EYS: variants seen among roughly 807,000 people sequenced by gnomAD.
EYS encodes EGF-like photoreceptor maintenance factor.
In EYS, 250 loss-of-function variants were observed where a neutral mutation model predicts 282.1. The ratio of observed to expected loss-of-function variants is 0.89; its 90% confidence interval spans 0.80 to 0.98. The LOEUF is 0.98. EYS is among the 50% of genes least tolerant of loss of function. EYS has a pLI of 0.00. For missense variants in EYS, 4,016 were observed against 3,709.0 expected (o/e 1.08, Z -2.15); for synonymous variants, 1,355 against 1,282.9 (o/e 1.06, Z -1.20).
chr6:65,449,662 G>T (rs1441134774), intron 5 of EYS, among the ~76,000 whole-genome samples: 1 of 152,022 alleles, frequency 6.6e-6, no homozygotes, highest in Non-Finnish European at 1.5e-5. Context: ...GATGATTTTG[G>T]TATCTCATTT....
chr6:64,058,521 A>C, intron 33 of EYS, among the ~76,000 whole-genome samples: 1 of 152,180 alleles, frequency 6.6e-6, no homozygotes, highest in East Asian at 1.9e-4. Context: ...AAAATATACA[A>C]AATATAAATG....
chr6:65,214,852 T>C (rs1766271772), intron 12 of EYS, among the ~76,000 whole-genome samples: 1 of 152,082 alleles, frequency 6.6e-6, no homozygotes, highest in African/African-American at 2.4e-5. Context: ...CTTGAAGAAA[T>C]ATGTTATTTC....
At chr6:64,300,338 C>T (rs149968805) in intron 30 of EYS, among the ~76,000 whole-genome samples, 1,541 of 152,176 alleles carry the variant, frequency 0.01, 32 homozygotes, top group African/African-American at 0.03. Flanking sequence ...ACACTGCTGC[C>T]GTCTAGCTCC....
At chr6:63,996,648 T>C (rs1031156836) in intron 34 of EYS, among the ~76,000 whole-genome samples, 2 of 152,142 alleles carry the variant, frequency 1.3e-5, no homozygotes, top group African/African-American at 4.8e-5. Flanking sequence ...CTAGCTAGAA[T>C]GTCTGGGTTT....
chr6:64,194,540 C>A, intron 31 of EYS, among the ~76,000 whole-genome samples: 1 of 152,016 alleles, frequency 6.6e-6, no homozygotes, highest in East Asian at 1.9e-4. Flanking sequence ...AAGTGAATTT[C>A]TTAATTGCAT....
chr6:64,684,477 G>C (rs780073946), intron 22 of EYS, among the ~76,000 whole-genome samples: 72 of 151,866 alleles, frequency 4.7e-4, no homozygotes, highest in Non-Finnish European at 8.4e-4. Context: ...ACTACACTAA[G>C]AATAAAGAGC....
intron 26 of EYS, among the ~76,000 whole-genome samples, chr6:64,453,511 C>A (rs376426316): frequency 6.6e-6 from 1 of 152,144 alleles, no homozygotes; most frequent in East Asian, 1.9e-4. Flanking sequence ...TACTGGGTAT[C>A]TACCCAAAGG....
At chr6:65,177,095 C>T (rs543651086) in intron 12 of EYS, among the ~76,000 whole-genome samples, 1 of 151,624 alleles carries the variant, frequency 6.6e-6, no homozygotes, top group African/African-American at 2.4e-5. Flanking sequence ...TTTCAATTAA[C>T]TAAGGGAATT....
chr6:63,745,142 T>C, intron 41 of EYS: 1 of 326,662 alleles, frequency 3.1e-6, no homozygotes, highest in South Asian at 2.4e-5. Flanking sequence ...ATCTGCTAAA[T>C]CCAAAGTTTA....
chr6:64,184,067 T>C (rs980513394), intron 31 of EYS, among the ~76,000 whole-genome samples: 2 of 152,162 alleles, frequency 1.3e-5, no homozygotes, highest in African/African-American at 4.8e-5. Context: ...AATAAAAATC[T>C]TCTCACTGTG....
chr6:65,579,778 G>A (rs995381621), intron 2 of EYS, among the ~76,000 whole-genome samples: 2 of 152,052 alleles, frequency 1.3e-5, no homozygotes, highest in Admixed American at 6.6e-5. Flanking sequence ...TCACACTAAG[G>A]GTAAATGTTG....
At chr6:64,295,912 C>G (rs960220744) in intron 30 of EYS, among the ~76,000 whole-genome samples, 1 of 151,986 alleles carries the variant, frequency 6.6e-6, no homozygotes, top group Non-Finnish European at 1.5e-5. Flanking sequence ...GGGATATTAA[C>G]AAATATTATT....
At chr6:64,670,364 T>C (rs1769407526) in intron 22 of EYS, among the ~76,000 whole-genome samples, 1 of 151,554 alleles carries the variant, frequency 6.6e-6, no homozygotes, top group Admixed American at 6.6e-5. Flanking sequence ...ATTAACTTTG[T>C]CCAGTGCATT....
Position 64,760,083 on chromosome 6 carries a change from T to C in EYS, c.3443+53295A>G, listed in dbSNP as rs561061423. Among the ~76,000 whole-genome samples, 18 of 152,320 alleles carry C rather than the reference T, an allele frequency of 1.2e-4. No homozygotes were observed. In the South Asian group the frequency reaches 3.3e-3, roughly 28 times the overall value. Reference sequence around the variant, plus strand: ...TATGTTTTTAAAATATATTTTACACTTGTTGGAATGCTGAGTACAAACTTT... The same window carrying C: ...TATGTTTTTAAAATATATTTTACACCTGTTGGAATGCTGAGTACAAACTTT... On this transcript the variant is annotated intron_variant, in intron 22 of 42. Coordinates refer to ENST00000503581, the MANE Select transcript of EYS (RefSeq NM_001142800.2).
In EYS at chr6:64,340,345, A is replaced by G. The variant is rs576069398; in HGVS notation, c.6079-33263T>C. ...GTATTGTGAGGCTATAGTAAACAAA[A>G]TAGCATGACACTAGTACAAAAACAG... On this transcript the variant is annotated intron_variant, in intron 29 of 42. Transcript: ENST00000503581. Among the ~76,000 whole-genome samples, 50 of 152,018 alleles carry G rather than the reference A, an allele frequency of 3.3e-4. No individual in the cohort carries two copies. The South Asian group carries it at 0.01, about 31-fold the overall frequency.
At chr6:63,787,926 C>T (rs776781305) in intron 39 of EYS, among the ~76,000 whole-genome samples, 179 bp downstream of exon 39, 9 of 151,684 alleles carry the variant, frequency 5.9e-5, no homozygotes, top group Admixed American at 1.3e-4. Context: ...GCAACAAGAG[C>T]GAAACTCCAT....
At chr6:63,974,588 C>A (rs1766744787) in intron 35 of EYS, among the ~76,000 whole-genome samples, 1 of 151,800 alleles carries the variant, frequency 6.6e-6, no homozygotes, top group Non-Finnish European at 1.5e-5. Context: ...GATTTTCTTC[C>A]CCCTACTTGT....
chr6:65,129,911 G>A (rs558476070), intron 12 of EYS, among the ~76,000 whole-genome samples: 5 of 151,778 alleles, frequency 3.3e-5, no homozygotes, highest in African/African-American at 1.2e-4. Context: ...TTAACCCAGG[G>A]TATATCAACA....
chr6:64,294,526 G>A (rs899573319), intron 30 of EYS, among the ~76,000 whole-genome samples: 2 of 152,136 alleles, frequency 1.3e-5, no homozygotes, highest in African/African-American at 4.8e-5. Flanking sequence ...ATAAAATCCT[G>A]CATCACATGT....
Sources: allele counts gnomAD v4.1 joint callset (sites outside exome capture counted in the v4.1 genomes callset), GRCh38; gene constraint gnomAD v4.1.1; transcripts MANE v1.5; gene names NCBI Gene and HGNC (gene_info 2026-07-23, HGNC 2026-07-21).